The following ADAM12 variants were observed in gnomAD, a reference collection of about 807,000 sequenced individuals.
The protein encoded by ADAM12 is ADAM metallopeptidase domain 12, also known as disintegrin and metalloproteinase domain-containing protein 12.
A neutral mutation model predicts 106.4 loss-of-function variants in ADAM12; 70 were observed. That is an observed-to-expected ratio of 0.66 (90% CI 0.54 to 0.80). ADAM12 has a LOEUF of 0.80. Among genes scored for constraint, ADAM12 ranks in the 30% least tolerant of loss-of-function variants. ADAM12 has a pLI of 0.00. For synonymous variants in ADAM12, 420 were observed against 433.5 expected (o/e 0.97, Z 0.39); for missense variants, 1,010 against 1,171.9 (o/e 0.86, Z 2.02).
rs1010374169 is a variant in ADAM12 at position 126,127,349 on chromosome 10, T to G, written c.416+8235A>C. Among the ~76,000 whole-genome samples, 6 of 152,348 alleles carry G rather than the reference T, an allele frequency of 3.9e-5. No homozygotes were observed. The East Asian group carries it at 1.2e-3, about 29-fold the overall frequency. On this transcript the variant is annotated intron_variant, in intron 5 of 22. Transcript: ENST00000448723. ...CCGCCATTCCATGCCAATTTCCTCC[T>G]TCATATGTTCTACTGCACTTTAAAT...
At position 126,046,130 on chromosome 10, in the gene ADAM12, G is replaced by T; in HGVS notation, c.1920C>A (p.Ile640=). The T allele has an allele frequency of 6.2e-7, 1 of 1,613,810 alleles. No individual in the cohort carries two copies. The highest frequency in any genetic ancestry group is 8.5e-7 in the Non-Finnish European group (1 of 1,179,688). Residue 640 remains isoleucine (I), a splice_region_variant and synonymous_variant, in exon 17 of 23, where the codon ATC becomes ATA. Transcript: ENST00000448723. ...LAGTKCADGK[I]CLNRQCQNIS... is the part of the protein sequence containing the mutation. Reference sequence around the variant, plus strand: ...TATTTTGACATTGACGATTCAGGCAGATCTGTAGGAGGAGGAAAACACAGC... The same window carrying T: ...TATTTTGACATTGACGATTCAGGCATATCTGTAGGAGGAGGAAAACACAGC...
intron 1 of ADAM12, among the ~76,000 whole-genome samples, chr10:126,384,332 T>A (rs1856586778): frequency 6.6e-6 from 1 of 152,040 alleles, no homozygotes; most frequent in African/African-American, 2.4e-5. Context: ...TCACAAGTTA[T>A]CAAAAAAAGT....
chr10:126,263,831 A>T (rs1299183090), intron 3 of ADAM12, among the ~76,000 whole-genome samples: 1 of 152,262 alleles, frequency 6.6e-6, no homozygotes, highest in African/African-American at 2.4e-5. Flanking sequence ...AAAGAGATTT[A>T]TGTAATATCT....
At chr10:126,342,358 T>A (rs1396214999) in intron 1 of ADAM12, among the ~76,000 whole-genome samples, 1 of 152,204 alleles carries the variant, frequency 6.6e-6, no homozygotes, top group Non-Finnish European at 1.5e-5. Flanking sequence ...ATTTAAATAG[T>A]CAAACAGGAT....
rs771005430 is a variant in ADAM12, at chr10:126,108,574, C to T, written c.741+19G>A. 4.4e-6 allele frequency: 7 copies of T among 1,603,552 alleles called. No individual in the cohort carries two copies. The highest frequency in any genetic ancestry group is 1.3e-5 in the African/African-American group (1 of 74,690). Reference sequence around the variant, plus strand: ...CATTTACATGATCTGAATGATTTAACTACTGAAAAAGAACTTACCTTGTCA... The same window carrying T: ...CATTTACATGATCTGAATGATTTAATTACTGAAAAAGAACTTACCTTGTCA... On this transcript the variant is annotated intron_variant, in intron 8 of 22. Transcript: ENST00000448723.
In ADAM12 at chr10:126,017,265, A is replaced by C; in HGVS notation, c.*14T>G. On this transcript the variant is annotated 3_prime_UTR_variant, in exon 23 of 23. Transcript: ENST00000448723. Reference sequence around the variant, plus strand: ...AAACTTCTGTCTTCACTGTTGAAAAAAGGTGTCGGCTTCTCACTTAATATA... The same window carrying C: ...AAACTTCTGTCTTCACTGTTGAAAACAGGTGTCGGCTTCTCACTTAATATA... 1.9e-6 allele frequency: 3 copies of C among 1,584,914 alleles called. No individual in the cohort carries two copies. The highest frequency in any genetic ancestry group is 2.6e-6 in the Non-Finnish European group (3 of 1,164,186).
chr10:126,181,095 A>G lies in ADAM12; in HGVS notation c.261-25790T>C, dbSNP rs367804782. On this transcript the variant is annotated intron_variant, in intron 3 of 22. Transcript: ENST00000448723. ...GGATTTTTTTTTTTTTTTTTGAGAC[A>G]CAGTCTCCCTCTGTTGCCCAGGCTG... is the stretch of plus-strand genomic sequence containing the variant. 5.5e-4 allele frequency among the ~76,000 whole-genome samples: 82 copies of G among 148,088 alleles called. 2 individuals are homozygous for G. The East Asian group carries it at 0.01, about 19-fold the overall frequency.
intron 21 of ADAM12, among the ~76,000 whole-genome samples, chr10:126,020,124 T>C (rs1015305501): frequency 3.3e-5 from 5 of 152,326 alleles, no homozygotes; most frequent in African/African-American, 1.2e-4. Context: ...ATACACACTT[T>C]CCTGTGCTTT....
At chr10:126,348,744 C>A (rs371684514) in intron 1 of ADAM12, among the ~76,000 whole-genome samples, 7 of 151,988 alleles carry the variant, frequency 4.6e-5, no homozygotes, top group Non-Finnish European at 8.8e-5. Flanking sequence ...TTTATGAGAG[C>A]GAACCATAAA....
At chr10:126,231,694 A>C (rs1423155561) in intron 3 of ADAM12, among the ~76,000 whole-genome samples, 1 of 152,050 alleles carries the variant, frequency 6.6e-6, no homozygotes, top group African/African-American at 2.4e-5. Flanking sequence ...AGGCCAGCCC[A>C]CCACTCTCTC....
chr10:126,101,130 C>A lies in ADAM12; in HGVS notation c.853G>T (p.Asp285Tyr). Residue 285 changes from aspartate to tyrosine, a missense_variant, in exon 9 of 23, where the codon GAC (aspartate) becomes TAC (tyrosine). By Grantham distance (160) the Asp-to-Tyr change is radical. Transcript: ENST00000448723. ...GGTAGAAGCTTCATCTTCCTCCAGT[C>A]CAGAAATTCATGGAGGCTGGTGAAT... is the stretch of plus-strand genomic sequence containing the variant. ...DPFTSLHEFL[D>Y]WRKMKLLPRK... The A allele has an allele frequency of 2.5e-6, 4 of 1,614,018 alleles. No homozygotes were observed. Among genetic ancestry groups the A allele is most frequent in the Non-Finnish European group, 1.7e-6 (2 of 1,179,928 alleles).
At chr10:126,146,556 C>A (rs1041993055) in intron 4 of ADAM12, among the ~76,000 whole-genome samples, 1 of 152,126 alleles carries the variant, frequency 6.6e-6, no homozygotes, top group South Asian at 2.1e-4. Context: ...TATCACCAGA[C>A]CCCCAGCTGA....
chr10:126,350,039 C>T (rs1314862110), intron 1 of ADAM12, among the ~76,000 whole-genome samples: 2 of 152,196 alleles, frequency 1.3e-5, no homozygotes, highest in African/African-American at 4.8e-5. Context: ...TGCACGTGGA[C>T]ACAGCTTCCA....
intron 14 of ADAM12, among the ~76,000 whole-genome samples, chr10:126,057,440 G>A (rs1954655727): frequency 6.6e-6 from 1 of 151,788 alleles, no homozygotes; most frequent in Non-Finnish European, 1.5e-5. Flanking sequence ...CAGTTGGCCA[G>A]GGTGCCTTAC....
chr10:126,178,002 G>C lies in ADAM12; in HGVS notation c.261-22697C>G, dbSNP rs117723593. 4.7e-4 allele frequency among the ~76,000 whole-genome samples: 72 copies of C among 152,306 alleles called. 1 individual carries two copies. The East Asian group carries it at 0.012, about 26-fold the overall frequency. On this transcript the variant is annotated intron_variant, in intron 3 of 22. Coordinates refer to ENST00000448723, the MANE Select transcript of ADAM12 (RefSeq NM_001288973.2). ...TATTAACCTCAATTCTGAATAAAAT[G>C]TTAGTCTCTAACTCAATTTTGGAAT...
At chr10:126,189,245 G>C (rs1361922896) in intron 3 of ADAM12, among the ~76,000 whole-genome samples, 1 of 152,204 alleles carries the variant, frequency 6.6e-6, no homozygotes, top group African/African-American at 2.4e-5. Context: ...TGTTTAGACA[G>C]TGGGAACAGC....
intron 21 of ADAM12, among the ~76,000 whole-genome samples, chr10:126,032,014 C>G (rs1221448021): frequency 6.6e-6 from 1 of 152,090 alleles, no homozygotes; most frequent in Non-Finnish European, 1.5e-5. Context: ...TGTTTGTGGA[C>G]AAGAGGGTAC....
intron 9 of ADAM12, 101 bp downstream of exon 9, chr10:126,100,971 T>C: frequency 7.6e-7 from 1 of 1,307,236 alleles, no homozygotes; most frequent in East Asian, 2.3e-5. Context: ...GGCAGTGTGC[T>C]CTGCAGAAAG....
intron 2 of ADAM12, among the ~76,000 whole-genome samples, chr10:126,323,519 G>A (rs865854166): frequency 9.2e-5 from 14 of 152,208 alleles, no homozygotes; most frequent in Admixed American, 2.6e-4. Flanking sequence ...GGTAGTCAGA[G>A]TGGTTTGCAA....
Sources: allele counts gnomAD v4.1 joint callset (sites outside exome capture counted in the v4.1 genomes callset), GRCh38; gene constraint gnomAD v4.1.1; transcripts MANE v1.5; gene names NCBI Gene and HGNC (gene_info 2026-07-23, HGNC 2026-07-21).